Variants in MTPN observed in about 807,000 individuals in gnomAD.
MTPN encodes the protein myotrophin.
A neutral mutation model predicts 13.5 loss-of-function variants in MTPN; 2 were observed. The ratio of observed to expected loss-of-function variants is 0.15; its 90% confidence interval spans 0.06 to 0.47. The LOEUF (loss-of-function observed/expected upper bound fraction) is 0.47. Among genes scored for constraint, MTPN ranks in the 20% least tolerant of loss-of-function variants. The probability of loss-of-function intolerance (pLI) is 0.97; values close to 1 mark genes in which losing one functional copy is unlikely to be tolerated. For missense variants in MTPN, 79 were observed against 137.9 expected, an observed-to-expected ratio of 0.57 and a Z score of 2.14; for synonymous variants, 46 against 51.7, an observed-to-expected ratio of 0.89 and a Z score of 0.48.
chr7:135,951,475 T>G (rs751449846), intron 2 of MTPN, 42 bp downstream of exon 2: 7 of 1,342,394 alleles, frequency 5.2e-6, no homozygotes, highest in Non-Finnish European at 7.3e-6. Flanking sequence ...CATAGCATAT[T>G]AACAGAAAAT....
chr7:135,956,409 T>C (rs542950978), intron 1 of MTPN, among the ~76,000 whole-genome samples: 76 of 152,304 alleles, frequency 5.0e-4, no homozygotes, highest in African/African-American at 1.7e-3. Context: ...AGATACACAA[T>C]ATTAACACGT....
chr7:135,938,976 C>CT (rs1043912309), intron 3 of MTPN, among the ~76,000 whole-genome samples: 2 of 152,030 alleles, frequency 1.3e-5, no homozygotes, highest in African/African-American at 2.4e-5. Context: ...CTTATAAAGG[C>CT]TTTTTTTCCC....
intron 3 of MTPN, among the ~76,000 whole-genome samples, chr7:135,936,885 G>A (rs908000176): frequency 1.3e-5 from 2 of 152,164 alleles, no homozygotes; most frequent in Admixed American, 6.5e-5. Context: ...ATCTTCAAAT[G>A]CCACACTTGT....
At chr7:135,947,262 ACTAGGCAC>A (rs1799299978) in intron 3 of MTPN, among the ~76,000 whole-genome samples, 2 of 152,102 alleles carry the variant, frequency 1.3e-5, no homozygotes, top group African/African-American at 4.8e-5. Context: ...GCTTGGGGGT[ACTAGGCAC>A]CTCTGGGCGT....
chr7:135,946,008 T>G (rs1417544683), intron 3 of MTPN, among the ~76,000 whole-genome samples: 1 of 152,218 alleles, frequency 6.6e-6, no homozygotes, highest in Non-Finnish European at 1.5e-5. Context: ...CTAATAAAAG[T>G]TAACTGTAAT....
chr7:135,961,410 A>G (rs753271248), intron 1 of MTPN, among the ~76,000 whole-genome samples: 1 of 152,120 alleles, frequency 6.6e-6, no homozygotes, highest in Non-Finnish European at 1.5e-5. Flanking sequence ...CACCAAAAAA[A>G]TTAAATTAGA....
At chr7:135,949,139 C>A (rs1799326598) in intron 3 of MTPN, among the ~76,000 whole-genome samples, 1 of 152,192 alleles carries the variant, frequency 6.6e-6, no homozygotes, top group Non-Finnish European at 1.5e-5. Flanking sequence ...TTAATAAGAT[C>A]TCTTTACTGT....
chr7:135,946,995 T>A (rs1799297053), intron 3 of MTPN, among the ~76,000 whole-genome samples: 1 of 152,206 alleles, frequency 6.6e-6, no homozygotes, highest in African/African-American at 2.4e-5. Context: ...TTGTTTCTTC[T>A]TGCTAGTTTT....
chr7:135,962,930 A>G (rs974319499), intron 1 of MTPN, among the ~76,000 whole-genome samples: 1 of 152,058 alleles, frequency 6.6e-6, no homozygotes, highest in African/African-American at 2.4e-5. Context: ...GATCTGTAAG[A>G]TATGTACGCA....
At chr7:135,937,200 T>C (rs1799128067) in intron 3 of MTPN, among the ~76,000 whole-genome samples, 1 of 152,160 alleles carries the variant, frequency 6.6e-6, no homozygotes, top group Non-Finnish European at 1.5e-5. Flanking sequence ...GACATTATCT[T>C]GACAAGAGGC....
Position 135,939,575 on chromosome 7 carries a change from G to GT in MTPN, c.271-9564_271-9563insA, listed in dbSNP as rs1756602901. 1.9e-3 allele frequency among the ~76,000 whole-genome samples: 125 copies of GT among 65,092 alleles called. 3 individuals are homozygous for GT. Among genetic ancestry groups the GT allele is most frequent in the South Asian group, 8.9e-3 (11 of 1,238 alleles). 42.7% of individuals were successfully genotyped at this position (65,092 alleles called of 152,430 possible). On this transcript the variant is annotated intron_variant, in intron 3 of 3. Coordinates refer to ENST00000393085, the MANE Select transcript of MTPN (RefSeq NM_145808.4). The stretch of plus-strand genomic sequence containing the variant: ...ACCATAAGGATTGGGGAAAATGGGG[G>GT]CGGGGGGGGGGGGCGGGTGCGTGGG...
At chr7:135,947,334 G>T (rs75783041) in intron 3 of MTPN, among the ~76,000 whole-genome samples, 2,087 of 152,100 alleles carry the variant, frequency 0.014, 46 homozygotes, top group African/African-American at 0.048. Flanking sequence ...TCTTATTTGG[G>T]AATTTCTTCT....
At chr7:135,939,589 C>CGG (rs1390026297) in intron 3 of MTPN, among the ~76,000 whole-genome samples, 1 of 4,516 alleles carries the variant, frequency 2.2e-4, no homozygotes. Context: ...GGGGGGGGGG[C>CGG]GGGTGCGTGG....
intron 3 of MTPN, among the ~76,000 whole-genome samples, chr7:135,930,300 A>G (rs1355404046): frequency 6.6e-6 from 1 of 152,190 alleles, no homozygotes; most frequent in Non-Finnish European, 1.5e-5. Context: ...AGCAAGTTAG[A>G]TATATTTATC....
Position 135,929,752 on chromosome 7 carries a change from T to G in MTPN, c.*174A>C. 1 of 646,992 alleles carries G rather than the reference T, an allele frequency of 1.5e-6. No homozygotes were observed. Among genetic ancestry groups the G allele is most frequent in the South Asian group, 2.0e-5 (1 of 50,792 alleles). The allele number at this position is 646,992 out of a possible 1,614,324, so 40.1% of individuals were successfully genotyped here. On this transcript the variant is annotated 3_prime_UTR_variant, in exon 4 of 4. Transcript: ENST00000393085. ...TGATCATGGTTCCTTTTGCCCCTCC[T>G]CCAAAACAATTTTTTTTTTCTGGTA...
intron 1 of MTPN, among the ~76,000 whole-genome samples, chr7:135,961,949 C>T (rs998734972): frequency 6.6e-6 from 1 of 151,890 alleles, no homozygotes; most frequent in Non-Finnish European, 1.5e-5. Context: ...ATCTGAAGAA[C>T]GGCAAGAAAA....
At chr7:135,939,185 T>A (rs1799162171) in intron 3 of MTPN, among the ~76,000 whole-genome samples, 1 of 152,204 alleles carries the variant, frequency 6.6e-6, no homozygotes, top group African/African-American at 2.4e-5. Context: ...CCTTTTGATA[T>A]TAAATGTCTC....
chr7:135,934,440 T>C lies in MTPN; in HGVS notation c.271-4428A>G, dbSNP rs186164539. 4.5e-3 allele frequency among the ~76,000 whole-genome samples: 686 copies of C among 152,294 alleles called. 6 individuals are homozygous for C. The highest frequency in any genetic ancestry group is 6.8e-3 in the Non-Finnish European group (464 of 68,016). ...GTCCACAGCAAGTGGCTTCATATTT[T>C]GTAATGATTTGGAAGTGACACACAT... is the stretch of plus-strand genomic sequence containing the variant. On this transcript the variant is annotated intron_variant, in intron 3 of 3. Coordinates refer to ENST00000393085, the MANE Select transcript of MTPN (RefSeq NM_145808.4).
At chr7:135,941,479 C>G (rs1334352897) in intron 3 of MTPN, among the ~76,000 whole-genome samples, 1 of 144,546 alleles carries the variant, frequency 6.9e-6, no homozygotes, top group Non-Finnish European at 1.5e-5. Context: ...TTAACTTTTC[C>G]AAAAATTCAA....
Sources: gnomAD v4.1 joint callset for allele counts (sites outside exome capture counted in the v4.1 genomes callset) on GRCh38, gnomAD v4.1.1 for gene constraint, MANE v1.5 for transcripts, NCBI Gene and HGNC (gene_info 2026-07-23, HGNC 2026-07-21) for gene names.